Variants in MYO1D observed in about 807,000 individuals in gnomAD.
The protein encoded by MYO1D is unconventional myosin-Id.
In MYO1D, 83 loss-of-function variants were observed where a neutral mutation model predicts 122.0. The observed-to-expected ratio is 0.68, with a 90% CI of 0.57 to 0.82. The LOEUF (loss-of-function observed/expected upper bound fraction) is 0.82. MYO1D is among the 40% of genes least tolerant of loss of function. MYO1D has a pLI of 0.00. For synonymous variants in MYO1D, 464 were observed against 446.9 expected (o/e 1.04, Z -0.48); for missense variants, 1,157 against 1,269.5 (o/e 0.91, Z 1.35).
chr17:32,524,264 C>T (rs114900313), intron 21 of MYO1D, among the ~76,000 whole-genome samples: 6 of 152,266 alleles, frequency 3.9e-5, no homozygotes, highest in African/African-American at 7.2e-5. Flanking sequence ...TGCTTCCTTC[C>T]GACGTCAACT....
At chr17:32,850,960 C>T (rs1229498362) in intron 1 of MYO1D, among the ~76,000 whole-genome samples, 1 of 151,544 alleles carries the variant, frequency 6.6e-6, no homozygotes, top group Non-Finnish European at 1.5e-5. Context: ...CTGTTTACTT[C>T]ATTTCTCCCC....
intron 21 of MYO1D, among the ~76,000 whole-genome samples, chr17:32,598,483 T>G: frequency 6.6e-6 from 1 of 152,354 alleles, no homozygotes; most frequent in Middle Eastern, 3.4e-3. Context: ...GAATACAGCC[T>G]GGACTTGCTG....
chr17:32,543,663 A>G (rs1465150972), intron 21 of MYO1D, among the ~76,000 whole-genome samples: 1 of 152,250 alleles, frequency 6.6e-6, no homozygotes, highest in Non-Finnish European at 1.5e-5. Context: ...GTACTACTCC[A>G]GGGTGCCCTT....
intron 2 of MYO1D, among the ~76,000 whole-genome samples, chr17:32,778,965 C>T (rs921829530): frequency 6.6e-6 from 1 of 151,942 alleles, no homozygotes; most frequent in African/African-American, 2.4e-5. Context: ...ATCTTATTTT[C>T]TATAAGAGAA....
intron 21 of MYO1D, among the ~76,000 whole-genome samples, chr17:32,502,533 T>C (rs975848435): frequency 5.9e-5 from 9 of 152,356 alleles, no homozygotes; most frequent in Admixed American, 5.9e-4. Flanking sequence ...ACTAATAATA[T>C]GTTTTATGTT....
intron 1 of MYO1D, among the ~76,000 whole-genome samples, chr17:32,835,334 C>G (rs1391190994): frequency 6.6e-6 from 1 of 152,144 alleles, no homozygotes; most frequent in Non-Finnish European, 1.5e-5. Context: ...CCTCTAAGCT[C>G]CTATAACATT....
At chr17:32,528,120 A>T (rs1441797253) in intron 21 of MYO1D, among the ~76,000 whole-genome samples, 1 of 152,226 alleles carries the variant, frequency 6.6e-6, no homozygotes, top group Non-Finnish European at 1.5e-5. Context: ...TACAGGCGTG[A>T]GCCACTGCGC....
intron 21 of MYO1D, among the ~76,000 whole-genome samples, chr17:32,554,495 T>C (rs2087050669): frequency 6.6e-6 from 1 of 152,172 alleles, no homozygotes; most frequent in East Asian, 1.9e-4. Flanking sequence ...TTAAAATTTG[T>C]AAAAGTACTG....
At chr17:32,658,156 T>G (rs1000943518) in intron 17 of MYO1D, among the ~76,000 whole-genome samples, 1 of 152,214 alleles carries the variant, frequency 6.6e-6, no homozygotes, top group Non-Finnish European at 1.5e-5. Context: ...TAAAAAAGCA[T>G]ATGAGATATA....
chr17:32,757,670 A>C (rs2089962521), intron 10 of MYO1D, among the ~76,000 whole-genome samples: 1 of 152,198 alleles, frequency 6.6e-6, no homozygotes, highest in South Asian at 2.1e-4. Flanking sequence ...CTTTTGTCCC[A>C]GGGACTAAAG....
chr17:32,754,873 C>T (rs911330558), intron 11 of MYO1D, among the ~76,000 whole-genome samples: 86 of 152,088 alleles, frequency 5.7e-4, no homozygotes, highest in African/African-American at 2.0e-3. Flanking sequence ...TCCATATCAG[C>T]ACAAAGGTCT....
intron 21 of MYO1D, among the ~76,000 whole-genome samples, chr17:32,564,715 ACAAAGAGCT>A (rs1196049621): frequency 1.3e-5 from 2 of 152,240 alleles, no homozygotes; most frequent in Non-Finnish European, 2.9e-5. Flanking sequence ...ACAAGACATA[ACAAAGAGCT>A]GGAAGCCCTT....
chr17:32,779,606 G>A (rs1407386978), intron 2 of MYO1D, among the ~76,000 whole-genome samples: 1 of 151,942 alleles, frequency 6.6e-6, no homozygotes, highest in Admixed American at 6.5e-5. Flanking sequence ...ATTTTGGGAA[G>A]AATAAGGCAC....
In MYO1D at chr17:32,612,778, T is replaced by A. The variant is rs79298935; in HGVS notation, c.2710-7537A>T. ...AATTTCATATTAATGAAATGCATAT[T>A]TTTTTTTAAAGATGTGGTCTAGCTG... On this transcript the variant is annotated intron_variant, in intron 20 of 21. Coordinates refer to ENST00000318217, the MANE Select transcript of MYO1D (RefSeq NM_015194.3). 9.5e-3 allele frequency among the ~76,000 whole-genome samples: 1,442 copies of A among 151,850 alleles called. 16 individuals carry two copies. Among genetic ancestry groups the A allele is most frequent in the Non-Finnish European group, 0.015 (1,000 of 67,880 alleles).
At chr17:32,668,488 C>T (rs1204900124) in intron 16 of MYO1D, among the ~76,000 whole-genome samples, 1 of 152,092 alleles carries the variant, frequency 6.6e-6, no homozygotes, top group Non-Finnish European at 1.5e-5. Context: ...CTCTAGATTG[C>T]CAAAATAGCT....
chr17:32,739,967 T>C (rs1269704914), intron 13 of MYO1D, among the ~76,000 whole-genome samples: 5 of 152,224 alleles, frequency 3.3e-5, no homozygotes, highest in African/African-American at 1.2e-4. Context: ...GGCTACAAAA[T>C]GCTGCAATAA....
chr17:32,629,983 C>A (rs1489113022), intron 20 of MYO1D, among the ~76,000 whole-genome samples: 1 of 152,152 alleles, frequency 6.6e-6, no homozygotes, highest in Admixed American at 6.5e-5. Flanking sequence ...AGGTTTCTCA[C>A]TTTTGGACAG....
rs543332714 is a variant in MYO1D, at chr17:32,509,778, G to A, written c.2865-14863C>T. 3.4e-4 allele frequency among the ~76,000 whole-genome samples: 52 copies of A among 152,002 alleles called. 1 individual carries two copies. The highest frequency in any genetic ancestry group is 1.2e-3 in the African/African-American group (50 of 41,470). Reference sequence around the variant, plus strand: ...TAATTTTTGTATTTTTAGTAGAGACGGGGTTTCACCATGTTGGCCAGGATG... The same window carrying A: ...TAATTTTTGTATTTTTAGTAGAGACAGGGTTTCACCATGTTGGCCAGGATG... On this transcript the variant is annotated intron_variant, in intron 21 of 21. Coordinates refer to ENST00000318217, the MANE Select transcript of MYO1D (RefSeq NM_015194.3).
chr17:32,738,245 A>G lies in MYO1D; in HGVS notation c.1746+8T>C. On this transcript the variant is annotated splice_region_variant and intron_variant, in intron 14 of 21. Coordinates refer to ENST00000318217, the MANE Select transcript of MYO1D (RefSeq NM_015194.3). ...TTAAAATGGATATTTAGAAAAGAAAATAATTACCTTTGATGCAAGGTTGTC... is the reference window on the plus strand; with the variant it reads ...TTAAAATGGATATTTAGAAAAGAAAGTAATTACCTTTGATGCAAGGTTGTC... 1.3e-6 allele frequency: 2 copies of G among 1,582,334 alleles called. No homozygotes were observed. Among genetic ancestry groups the G allele is most frequent in the Non-Finnish European group, 1.7e-6 (2 of 1,165,306 alleles).
Sources: allele counts gnomAD v4.1 joint callset (sites outside exome capture counted in the v4.1 genomes callset), GRCh38; gene constraint gnomAD v4.1.1; transcripts MANE v1.5; gene names NCBI Gene and HGNC (gene_info 2026-07-23, HGNC 2026-07-21).